CREB5: variants seen among roughly 807,000 people sequenced by gnomAD.
CREB5 encodes cyclic AMP-responsive element-binding protein 5.
CREB5 carries 19 observed loss-of-function variants against 57.1 expected under a neutral mutation model. That is an observed-to-expected ratio of 0.33 (90% CI 0.23 to 0.49). The LOEUF (loss-of-function observed/expected upper bound fraction) is 0.49, where lower values mean the gene tolerates loss of function less well. Ranked by LOEUF, CREB5 falls within the 20% of genes least tolerant of loss-of-function variation. CREB5 has a pLI of 0.99. For synonymous variants in CREB5, 238 were observed against 238.3 expected, an observed-to-expected ratio of 1.00 and a Z score of 0.01; for missense variants, 579 against 671.6, an observed-to-expected ratio of 0.86 and a Z score of 1.52.
intron 5 of CREB5, among the ~76,000 whole-genome samples, chr7:28,697,511 C>T (rs1219956196): frequency 6.6e-6 from 1 of 152,128 alleles, no homozygotes; most frequent in African/African-American, 2.4e-5. Flanking sequence ...ACCCCCACCC[C>T]CTCCCAGAGG....
chr7:28,660,406 A>G (rs1417440125), intron 5 of CREB5, among the ~76,000 whole-genome samples: 2 of 117,584 alleles, frequency 1.7e-5, no homozygotes, highest in African/African-American at 4.0e-5. Flanking sequence ...TTTTTTGAGC[A>G]TGTACTATGA....
chr7:28,777,460 T>C (rs1033877834), intron 7 of CREB5, among the ~76,000 whole-genome samples: 1 of 152,226 alleles, frequency 6.6e-6, no homozygotes, highest in Non-Finnish European at 1.5e-5. Context: ...ATGGCTCTGA[T>C]ATATAAAGAC....
At chr7:28,477,598 G>T (rs217509) in intron 1 of CREB5, among the ~76,000 whole-genome samples, 44,095 of 152,168 alleles carry the variant, frequency 0.29, 7,144 homozygotes, top group Middle Eastern at 0.38. Flanking sequence ...CCCTGCGTTT[G>T]TTTATTAATG....
intron 5 of CREB5, among the ~76,000 whole-genome samples, chr7:28,642,900 A>G (rs1798711993): frequency 6.6e-6 from 1 of 151,622 alleles, no homozygotes; most frequent in South Asian, 2.1e-4. Context: ...CCCAGAGTGT[A>G]TACAGATCTG....
chr7:28,788,214 TCC>T (rs1807449517), intron 7 of CREB5, among the ~76,000 whole-genome samples: 1 of 151,958 alleles, frequency 6.6e-6, no homozygotes, highest in African/African-American at 2.4e-5. Flanking sequence ...TTTAGCAGTG[TCC>T]CTACCCACTA....
At chr7:28,590,640 C>A (rs1796469380) in intron 5 of CREB5, among the ~76,000 whole-genome samples, 2 of 150,604 alleles carry the variant, frequency 1.3e-5, no homozygotes, top group South Asian at 4.2e-4. Flanking sequence ...AACAAACCTG[C>A]ACGTTGTGCG....
At chr7:28,789,132 C>A (rs1807511115) in intron 7 of CREB5, among the ~76,000 whole-genome samples, 1 of 152,162 alleles carries the variant, frequency 6.6e-6, no homozygotes. Context: ...AGATAATTTT[C>A]TCAGAATACA....
intron 7 of CREB5, among the ~76,000 whole-genome samples, chr7:28,802,639 C>T (rs1808441438): frequency 6.6e-6 from 1 of 152,230 alleles, no homozygotes; most frequent in Non-Finnish European, 1.5e-5. Flanking sequence ...CGAGTAACTG[C>T]ATTATACAGT....
chr7:28,437,562 C>T (rs1430632506), intron 1 of CREB5, among the ~76,000 whole-genome samples: 1 of 151,972 alleles, frequency 6.6e-6, no homozygotes, highest in Non-Finnish European at 1.5e-5. Flanking sequence ...TTAGTGAGTG[C>T]CTATAAAAAC....
intron 4 of CREB5, among the ~76,000 whole-genome samples, chr7:28,569,858 G>A (rs1013090851): frequency 1.3e-5 from 2 of 152,090 alleles, no homozygotes; most frequent in African/African-American, 4.8e-5. Context: ...TTGAGCTTGT[G>A]TCCTCAGTCC....
At chr7:28,769,581 T>C (rs1054468338) in intron 7 of CREB5, among the ~76,000 whole-genome samples, 9 of 152,258 alleles carry the variant, frequency 5.9e-5, no homozygotes, top group Non-Finnish European at 1.3e-4. Context: ...TATGTCTTGT[T>C]GATGCTTTGA....
chr7:28,325,183 G>A (rs537988453), intron 1 of CREB5, among the ~76,000 whole-genome samples: 5 of 152,294 alleles, frequency 3.3e-5, no homozygotes, highest in South Asian at 2.1e-4. Flanking sequence ...CAGGCCGGGC[G>A]CAGTGGCTCA....
intron 5 of CREB5, among the ~76,000 whole-genome samples, chr7:28,605,070 G>A (rs894007156): frequency 1.3e-5 from 2 of 151,978 alleles, no homozygotes; most frequent in Non-Finnish European, 2.9e-5. Flanking sequence ...CATTGCACAG[G>A]AAGGTATTGA....
intron 1 of CREB5, among the ~76,000 whole-genome samples, chr7:28,390,083 A>G (rs1787187038): frequency 6.6e-6 from 1 of 151,988 alleles, no homozygotes; most frequent in Admixed American, 6.6e-5. Flanking sequence ...GATATTTTCA[A>G]ACAAAGACAG....
intron 1 of CREB5, among the ~76,000 whole-genome samples, chr7:28,382,660 C>T (rs571224649): frequency 6.6e-5 from 10 of 152,042 alleles, no homozygotes; most frequent in African/African-American, 1.2e-4. Context: ...AGTATCGATC[C>T]GTCAGCCCCG....
chr7:28,416,759 A>C (rs1355136797), intron 1 of CREB5, among the ~76,000 whole-genome samples: 2 of 152,280 alleles, frequency 1.3e-5, no homozygotes, highest in South Asian at 2.1e-4. Context: ...CAGCATGACA[A>C]AATGTTCTCT....
chr7:28,592,395 T>G (rs1796551858), intron 5 of CREB5, among the ~76,000 whole-genome samples: 1 of 152,216 alleles, frequency 6.6e-6, no homozygotes, highest in South Asian at 2.1e-4. Flanking sequence ...ATTTTCAACT[T>G]GGAGTAAAGC....
intron 7 of CREB5, among the ~76,000 whole-genome samples, chr7:28,739,408 A>G (rs1804212134): frequency 6.6e-6 from 1 of 152,120 alleles, no homozygotes; most frequent in African/African-American, 2.4e-5. Context: ...TTGGAGGGAG[A>G]ATACAAAGAG....
chr7:28,494,594 TCTG>T (rs1791939672), intron 2 of CREB5, among the ~76,000 whole-genome samples: 1 of 152,204 alleles, frequency 6.6e-6, no homozygotes, highest in Non-Finnish European at 1.5e-5. Context: ...GCAAAAATTT[TCTG>T]CTTATTATCA....
Sources: gnomAD v4.1 joint callset for allele counts (sites outside exome capture counted in the v4.1 genomes callset) on GRCh38, gnomAD v4.1.1 for gene constraint, MANE v1.5 for transcripts, NCBI Gene and HGNC (gene_info 2026-07-23, HGNC 2026-07-21) for gene names.